The following NCKAP5 variants were observed in gnomAD, a reference collection of about 807,000 sequenced individuals.
NCKAP5 encodes the protein nck-associated protein 5.
Under a neutral mutation model 167.0 loss-of-function variants are expected in NCKAP5, and 92 were observed. That is an observed-to-expected ratio of 0.55 (90% CI 0.47 to 0.66). The LOEUF (loss-of-function observed/expected upper bound fraction) is 0.66. Among genes scored for constraint, NCKAP5 ranks in the 30% least tolerant of loss-of-function variants. The pLI is 0.00. For missense variants in NCKAP5, 2,378 were observed against 2,315.0 expected, an observed-to-expected ratio of 1.03 and a Z score of -0.56; for synonymous variants, 891 against 877.4, an observed-to-expected ratio of 1.02 and a Z score of -0.27.
At chr2:132,970,322 G>C (rs1193961312) in intron 7 of NCKAP5, among the ~76,000 whole-genome samples, 1 of 152,178 alleles carries the variant, frequency 6.6e-6, no homozygotes, top group Non-Finnish European at 1.5e-5. Context: ...AAAATGTGTA[G>C]TGCTAAATAC....
intron 8 of NCKAP5, among the ~76,000 whole-genome samples, chr2:132,954,056 C>A (rs2076272092): frequency 2.0e-5 from 3 of 152,118 alleles, no homozygotes; most frequent in Admixed American, 2.0e-4. Context: ...TTGTCTGAAC[C>A]CTTGCATTCA....
At chr2:132,893,916 T>C (rs912781470) in intron 8 of NCKAP5, among the ~76,000 whole-genome samples, 48 of 152,068 alleles carry the variant, frequency 3.2e-4, no homozygotes, top group Non-Finnish European at 1.0e-4. Context: ...GTACACACTC[T>C]AATAAGTAAC....
intron 8 of NCKAP5, among the ~76,000 whole-genome samples, chr2:132,916,427 A>T (rs1405131224): frequency 1.3e-5 from 2 of 152,074 alleles, no homozygotes; most frequent in Non-Finnish European, 2.9e-5. Context: ...ACACATCATA[A>T]AGTGGAAAGG....
At chr2:133,474,155 T>TCTATCTATCTATAC (rs1553649110) in intron 3 of NCKAP5, among the ~76,000 whole-genome samples, 28 of 142,644 alleles carry the variant, frequency 2.0e-4, no homozygotes, top group East Asian at 9.9e-4. Flanking sequence ...TATCTATCTA[T>TCTATCTATCTATAC]ACACACACAC....
chr2:133,093,540 T>C (rs921762198), intron 6 of NCKAP5, among the ~76,000 whole-genome samples: 2 of 152,206 alleles, frequency 1.3e-5, no homozygotes, highest in Non-Finnish European at 2.9e-5. Context: ...GCAAGGTTTT[T>C]ATAATTAAAC....
intron 5 of NCKAP5, among the ~76,000 whole-genome samples, chr2:133,203,475 T>C (rs542634969): frequency 1.2e-4 from 19 of 152,158 alleles, no homozygotes; most frequent in African/African-American, 3.6e-4. Flanking sequence ...ACCAACATGG[T>C]ACATGTATAC....
chr2:132,864,053 A>G (rs1574457444), intron 10 of NCKAP5, among the ~76,000 whole-genome samples: 1 of 152,182 alleles, frequency 6.6e-6, no homozygotes, highest in African/African-American at 2.4e-5. Flanking sequence ...AGCTACTCTG[A>G]CCCTGCCAGT....
At chr2:133,172,399 A>G (rs528838952) in intron 5 of NCKAP5, among the ~76,000 whole-genome samples, 1 of 152,268 alleles carries the variant, frequency 6.6e-6, no homozygotes, top group African/African-American at 2.4e-5. Context: ...AATGACCCCA[A>G]TGTTTCTGCA....
intron 4 of NCKAP5, among the ~76,000 whole-genome samples, chr2:133,290,636 T>C (rs1679513603): frequency 6.6e-6 from 1 of 152,168 alleles, no homozygotes; most frequent in South Asian, 2.1e-4. Flanking sequence ...AAATGACTTT[T>C]TGCCATGCTT....
In NCKAP5 at chr2:133,249,998, TTTATTATTATTA is replaced by T. The variant is rs10685479; in HGVS notation, c.144-36231_144-36220del. On this transcript the variant is annotated intron_variant, in intron 4 of 19. Transcript: ENST00000409261. Reference sequence around the variant, plus strand: ...AACATGTAAAGCCACCACCAAGGGTTTTATTATTATTATTATTATTATTATTATTATTATTAT... The same window carrying T: ...AACATGTAAAGCCACCACCAAGGGTTTTATTATTATTATTATTATTATTAT... Among the ~76,000 whole-genome samples, 92 of 138,220 alleles carry T rather than the reference TTTATTATTATTA, an allele frequency of 6.7e-4. No individual in the cohort carries two copies. In the Middle Eastern group the frequency reaches 0.022, roughly 33 times the overall value. The allele number at this position is 138,220 out of a possible 152,430, so 90.7% of individuals were successfully genotyped here. A position where few individuals can be genotyped will look rare whatever the true frequency, so the allele number is the denominator to read the frequency against.
chr2:133,091,924 C>T (rs1283504359), intron 6 of NCKAP5, among the ~76,000 whole-genome samples: 1 of 152,102 alleles, frequency 6.6e-6, no homozygotes, highest in Non-Finnish European at 1.5e-5. Flanking sequence ...TGTCAGTCAG[C>T]TTTCCAGCAG....
At chr2:132,702,433 C>T (rs75614812) in intron 19 of NCKAP5, among the ~76,000 whole-genome samples, 2 of 151,452 alleles carry the variant, frequency 1.3e-5, no homozygotes, top group Admixed American at 1.3e-4. Context: ...GCAAGATTAA[C>T]AAGCCATAAA....
At chr2:133,394,296 A>G (rs1559448564) in intron 3 of NCKAP5, among the ~76,000 whole-genome samples, 4 of 152,340 alleles carry the variant, frequency 2.6e-5, no homozygotes, top group Non-Finnish European at 4.4e-5. Flanking sequence ...CCCAATTACA[A>G]AGTAATGAGA....
rs372982263 is a variant in NCKAP5 at position 133,111,331 on chromosome 2, G to C, written c.341+18647C>G. On this transcript the variant is annotated intron_variant, in intron 6 of 19. Coordinates refer to ENST00000409261, the MANE Select transcript of NCKAP5 (RefSeq NM_207363.3). ...TCAAAAAGGACCTCACCAAACCCCA[G>C]GCCACCTTGGCTAAAACCACACCTA... is the stretch of plus-strand genomic sequence containing the variant. Among the ~76,000 whole-genome samples, 48 of 152,256 alleles carry C rather than the reference G, an allele frequency of 3.2e-4. No individual in the cohort carries two copies. The South Asian group carries it at 3.3e-3, about 11-fold the overall frequency.
intron 8 of NCKAP5, among the ~76,000 whole-genome samples, chr2:132,915,994 A>G (rs900357223): frequency 3.0e-4 from 45 of 152,206 alleles, no homozygotes; most frequent in African/African-American, 1.1e-3. Context: ...GCTATGACTC[A>G]ATAAATGTGT....
chr2:133,608,181 G>T, the NCKAP5 span, among the ~76,000 whole-genome samples: 1 of 151,756 alleles, frequency 6.6e-6, no homozygotes, highest in Non-Finnish European at 1.5e-5. Context: ...TGGAAATAAA[G>T]CCATACCAAC....
chr2:132,771,766 G>A (rs1175484041), intron 16 of NCKAP5, among the ~76,000 whole-genome samples: 8 of 150,584 alleles, frequency 5.3e-5, no homozygotes, highest in Admixed American at 1.3e-4. Flanking sequence ...TCTGCCTCCC[G>A]GGTTCACACC....
intron 6 of NCKAP5, among the ~76,000 whole-genome samples, chr2:133,088,119 A>AT (rs1014003392): frequency 6.6e-6 from 1 of 152,052 alleles, no homozygotes; most frequent in African/African-American, 2.4e-5. Flanking sequence ...CCACTTACTT[A>AT]TTTTTCATCT....
rs1695274473 is a variant in NCKAP5 at position 132,920,709 on chromosome 2, GTATA to G, written c.580-41797_580-41794del. Among the ~76,000 whole-genome samples, 3 of 69,992 alleles carry G rather than the reference GTATA, an allele frequency of 4.3e-5. 1 individual carries two copies. The highest frequency in any genetic ancestry group is 2.2e-4 in the African/African-American group (3 of 13,658). 45.9% of individuals were successfully genotyped at this position (69,992 alleles called of 152,430 possible). ...AGTTTATATATATATATACGTATATGTATATATATGTATATATATATATGTATAT... is the reference window on the plus strand; with the variant it reads ...AGTTTATATATATATATACGTATATGTATATGTATATATATATATGTATAT... On this transcript the variant is annotated intron_variant, in intron 8 of 19. Coordinates refer to ENST00000409261, the MANE Select transcript of NCKAP5 (RefSeq NM_207363.3).
Sources: gnomAD v4.1 joint callset for allele counts (sites outside exome capture counted in the v4.1 genomes callset) on GRCh38, gnomAD v4.1.1 for gene constraint, MANE v1.5 for transcripts, NCBI Gene and HGNC (gene_info 2026-07-23, HGNC 2026-07-21) for gene names.